FGD4: variants seen among roughly 807,000 people sequenced by gnomAD.
The protein encoded by FGD4 is FYVE, RhoGEF and PH domain-containing protein 4.
Under a neutral mutation model 102.0 loss-of-function variants are expected in FGD4, and 42 were observed. The ratio of observed to expected loss-of-function variants is 0.41; its 90% confidence interval spans 0.32 to 0.53. FGD4 has a LOEUF of 0.53. Among genes scored for constraint, FGD4 ranks in the 20% least tolerant of loss-of-function variants. The pLI is 0.21. For missense variants in FGD4, 902 were observed against 1,078.2 expected (o/e 0.84, Z 2.29); for synonymous variants, 380 against 375.7 (o/e 1.01, Z -0.13).
chr12:32,543,042 C>T (rs1007777702), intron 1 of FGD4, among the ~76,000 whole-genome samples: 1 of 152,180 alleles, frequency 6.6e-6, no homozygotes, highest in African/African-American at 2.4e-5. Context: ...ATGCCAGTCA[C>T]AAGTCCCAGG....
At position 32,588,438 on chromosome 12, in the gene FGD4, G is replaced by GAATTAGTAT. The variant is rs1306058263; in HGVS notation, c.1011+5971_1011+5972insAATTAGTAT. Among the ~76,000 whole-genome samples the GAATTAGTAT allele has an allele frequency of 1.9e-3, 287 of 152,320 alleles. 2 individuals carry two copies. The highest frequency in any genetic ancestry group is 6.7e-3 in the African/African-American group (279 of 41,548). On this transcript the variant is annotated intron_variant, in intron 4 of 16. Coordinates refer to ENST00000534526, the MANE Select transcript of FGD4 (RefSeq NM_001370298.3). Reference sequence around the variant, plus strand: ...TAAGGTTTACATCATGGCTATTAGTGTGAATTCACTGTTGTTAGCAGAAAC... The same window carrying GAATTAGTAT: ...TAAGGTTTACATCATGGCTATTAGTGAATTAGTATTGAATTCACTGTTGTTAGCAGAAAC...
intron 1 of FGD4, among the ~76,000 whole-genome samples, chr12:32,546,424 G>A (rs1303453412): frequency 6.6e-6 from 1 of 152,224 alleles, no homozygotes; most frequent in African/African-American, 2.4e-5. Flanking sequence ...AGTTGTGGTG[G>A]AAAGAGCAGT....
At chr12:32,495,990 G>GGGGTTT (rs1421305580) in intron 1 of FGD4, among the ~76,000 whole-genome samples, 1 of 152,126 alleles carries the variant, frequency 6.6e-6, no homozygotes, top group Non-Finnish European at 1.5e-5. Context: ...TATTCTTTCT[G>GGGGTTT]GGGTTTGGGC....
At chr12:32,439,163 C>G (rs1312161785) in intron 1 of FGD4, among the ~76,000 whole-genome samples, 1 of 152,224 alleles carries the variant, frequency 6.6e-6, no homozygotes, top group Non-Finnish European at 1.5e-5. Context: ...TACTATTCTA[C>G]TCTCAACTTC....
intron 1 of FGD4, among the ~76,000 whole-genome samples, chr12:32,408,194 A>G (rs2728690): frequency 0.54 from 75,131 of 139,840 alleles, 21,370 homozygotes; most frequent in African/African-American, 0.71. Context: ...TTGAGACAGA[A>G]TTTCGCTCTC....
At chr12:32,462,890 G>A (rs1943145873) in intron 1 of FGD4, among the ~76,000 whole-genome samples, 4 of 152,226 alleles carry the variant, frequency 2.6e-5, no homozygotes, top group Admixed American at 2.6e-4. Context: ...TGCAGTGTAA[G>A]TACTGTACAT....
chr12:32,436,590 C>G (rs1942236430), intron 1 of FGD4, among the ~76,000 whole-genome samples: 1 of 152,188 alleles, frequency 6.6e-6, no homozygotes, highest in Non-Finnish European at 1.5e-5. Flanking sequence ...TTGTGCTTCT[C>G]CCGCTTTACT....
At chr12:32,459,072 A>C (rs980639167) in intron 1 of FGD4, among the ~76,000 whole-genome samples, 11 of 152,130 alleles carry the variant, frequency 7.2e-5, no homozygotes, top group African/African-American at 2.7e-4. Flanking sequence ...AAATCTCTTG[A>C]GTCAACAACT....
intron 1 of FGD4, among the ~76,000 whole-genome samples, chr12:32,442,198 C>T (rs1463191401): frequency 6.6e-6 from 1 of 152,002 alleles, no homozygotes; most frequent in African/African-American, 2.4e-5. Flanking sequence ...GGACAACAGG[C>T]ATGTGCCACC....
At chr12:32,475,199 T>G (rs1426346658) in intron 1 of FGD4, among the ~76,000 whole-genome samples, 2 of 152,168 alleles carry the variant, frequency 1.3e-5, no homozygotes, top group African/African-American at 4.8e-5. Flanking sequence ...AGAAATGGCC[T>G]GTGTTTTTTG....
At chr12:32,590,393 G>C (rs1947379602) in intron 4 of FGD4, among the ~76,000 whole-genome samples, 1 of 148,486 alleles carries the variant, frequency 6.7e-6, no homozygotes, top group African/African-American at 2.5e-5. Flanking sequence ...TTTTAATAAT[G>C]TGAGCCTAGT....
intron 4 of FGD4, among the ~76,000 whole-genome samples, chr12:32,589,696 T>G (rs79884587): frequency 6.6e-6 from 1 of 152,158 alleles, no homozygotes; most frequent in Non-Finnish European, 1.5e-5. Context: ...GTAACCAAAC[T>G]TTTTTTCTTT....
chr12:32,510,757 T>C (rs1391074203), intron 1 of FGD4, among the ~76,000 whole-genome samples: 1 of 152,230 alleles, frequency 6.6e-6, no homozygotes, highest in East Asian at 1.9e-4. Context: ...TAAATATAAA[T>C]TAGACAGATA....
chr12:32,586,599 A>C (rs1441358680), intron 4 of FGD4, among the ~76,000 whole-genome samples: 1 of 152,230 alleles, frequency 6.6e-6, no homozygotes, highest in Non-Finnish European at 1.5e-5. Context: ...AGTCAGATGA[A>C]AGGGAAAACA....
intron 1 of FGD4, among the ~76,000 whole-genome samples, chr12:32,450,969 G>C (rs1000737965): frequency 6.6e-6 from 1 of 152,144 alleles, no homozygotes; most frequent in East Asian, 1.9e-4. Flanking sequence ...GGCCCTGCCT[G>C]ACATCCTGTG....
At chr12:32,517,399 A>G (rs1401376485) in intron 1 of FGD4, among the ~76,000 whole-genome samples, 2 of 152,104 alleles carry the variant, frequency 1.3e-5, no homozygotes, top group African/African-American at 4.8e-5. Context: ...TTTTCTGGTC[A>G]AAGTCTAAAA....
At chr12:32,444,021 C>CTTTT (rs67353121) in intron 1 of FGD4, among the ~76,000 whole-genome samples, 11 of 119,106 alleles carry the variant, frequency 9.2e-5, no homozygotes, top group East Asian at 4.9e-4. Flanking sequence ...ACTTTGTTTT[C>CTTTT]TTTTTTTTTT....
chr12:32,453,200 T>TTATATATATA (rs1209887127), intron 1 of FGD4, among the ~76,000 whole-genome samples: 22 of 64,604 alleles, frequency 3.4e-4, no homozygotes, highest in African/African-American at 1.1e-3. Flanking sequence ...TATATATATA[T>TTATATATATA]TATATATATA....
intron 1 of FGD4, among the ~76,000 whole-genome samples, chr12:32,438,141 C>T (rs1942296077): frequency 6.6e-6 from 1 of 152,234 alleles, no homozygotes; most frequent in Non-Finnish European, 1.5e-5. Flanking sequence ...ATCCATCTGC[C>T]TGGGCCTCCC....
Sources: allele counts gnomAD v4.1 joint callset (sites outside exome capture counted in the v4.1 genomes callset), GRCh38; gene constraint gnomAD v4.1.1; transcripts MANE v1.5; gene names NCBI Gene and HGNC (gene_info 2026-07-23, HGNC 2026-07-21).